The following LRRC47 variants were observed in gnomAD, a reference collection of about 807,000 sequenced individuals.
LRRC47 encodes the protein leucine-rich repeat-containing protein 47.
LRRC47 carries 31 observed loss-of-function variants against 40.9 expected under a neutral mutation model. The ratio of observed to expected loss-of-function variants is 0.76; its 90% CI spans 0.57 to 1.02. LRRC47 has a LOEUF of 1.02. Ranked by LOEUF, LRRC47 falls within the 50% of genes least tolerant of loss-of-function variation. The pLI, the probability that LRRC47 is intolerant of heterozygous loss-of-function variation, is 0.00. For synonymous variants in LRRC47, 427 were observed against 371.9 expected (o/e 1.15, Z -1.70); for missense variants, 726 against 796.1 (o/e 0.91, Z 1.06).
chr1:3,782,830 A>C (rs1014594293), intron 4 of LRRC47, 67 bp from the exon 5 acceptor site: 16 of 1,008,688 alleles, frequency 1.6e-5, no homozygotes, highest in Non-Finnish European at 2.5e-5. Flanking sequence ...GTGTGGTGGC[A>C]TGTGCCTGTG....
intron 2 of LRRC47, 127 bp downstream of exon 2, chr1:3,786,722 A>G: frequency 1.1e-6 from 1 of 898,298 alleles, no homozygotes; most frequent in Non-Finnish European, 1.6e-6. Flanking sequence ...ACTGAAGCAC[A>G]CAGACACCCG....
chr1:3,786,144 A>G (rs1251129073), intron 2 of LRRC47, among the ~76,000 whole-genome samples: 1 of 151,872 alleles, frequency 6.6e-6, no homozygotes, highest in Non-Finnish European at 1.5e-5. Flanking sequence ...TGCTGGGATT[A>G]CAGGCGTGAG....
rs1035080284 is a variant in LRRC47, at chr1:3,784,064, C to A, written c.1242G>T (p.Arg414=). The A allele has an allele frequency of 6.2e-7, 1 of 1,613,402 alleles. No homozygotes were observed. The highest frequency in any genetic ancestry group is 1.3e-5 in the African/African-American group (1 of 75,050). ...GCTCCTCGGCCTCCAGCTGCAGCTG[C>A]CGCACCAGCTCCTTGGCCTTGGCTT... ...RKEAKAKELV[R]QLQLEAEEQR... is the part of the protein sequence containing the mutation. Residue 414 remains arginine, a synonymous_variant, in exon 4 of 7, where the codon CGG becomes CGT. Transcript: ENST00000378251.
intron 1 of LRRC47, among the ~76,000 whole-genome samples, chr1:3,791,954 A>G (rs1214424474): frequency 6.6e-6 from 1 of 151,456 alleles, no homozygotes; most frequent in Non-Finnish European, 1.5e-5. Flanking sequence ...GGTTTTCACC[A>G]TGTTGCCCAG....
chr1:3,786,037 T>C (rs1643569302), intron 2 of LRRC47, among the ~76,000 whole-genome samples: 1 of 152,000 alleles, frequency 6.6e-6, no homozygotes, highest in African/African-American at 2.4e-5. Context: ...GCCTGGCTAA[T>C]TTTTGTGTTT....
chr1:3,792,759 T>C (rs1273446717), intron 1 of LRRC47, among the ~76,000 whole-genome samples: 1 of 152,224 alleles, frequency 6.6e-6, no homozygotes, highest in Non-Finnish European at 1.5e-5. Flanking sequence ...CCCACAACAC[T>C]TTTAAGAACT....
At chr1:3,788,674 C>A (rs780851029) in intron 1 of LRRC47, among the ~76,000 whole-genome samples, 13 of 152,128 alleles carry the variant, frequency 8.5e-5, no homozygotes, top group African/African-American at 2.2e-4. Context: ...CGGGTAAGGG[C>A]AGCATGGCTC....
At position 3,780,985 on chromosome 1, in the gene LRRC47, AC is replaced by A; in HGVS notation, c.*102del. 1 of 1,516,064 alleles carries A rather than the reference AC, an allele frequency of 6.6e-7. No homozygotes were observed. The highest frequency in any genetic ancestry group is 8.8e-7 in the Non-Finnish European group (1 of 1,130,858). 93.9% of individuals were successfully genotyped at this position (1,516,064 alleles called of 1,614,324 possible). On this transcript the variant is annotated 3_prime_UTR_variant, in exon 7 of 7. Transcript: ENST00000378251. Reference sequence around the variant, plus strand: ...GCGAGACTCCATCTCAAAAAAAAAAACCAACAAAAAAACTGGGGTGAAAATC... The same window carrying A: ...GCGAGACTCCATCTCAAAAAAAAAAACAACAAAAAAACTGGGGTGAAAATC...
rs1643580100 is a variant in LRRC47, at chr1:3,786,897, G to A, written c.1029C>T (p.Gly343=). The A allele has an allele frequency of 6.2e-7, 1 of 1,605,908 alleles. No homozygotes were observed. Among genetic ancestry groups the A allele is most frequent in the Non-Finnish European group, 8.5e-7 (1 of 1,176,530 alleles). The change falls in exon 2 of 7, where the codon GGC becomes GGT. Residue 343 remains glycine (G), a synonymous_variant. Coordinates refer to ENST00000378251, the MANE Select transcript of LRRC47 (RefSeq NM_020710.3). ...RPYIVGAVVR[G]MDLQPGNALK... ...GTGCATTCCCTGGCTGCAGGTCCAT[G>A]CCTCGCACCACGGCCCCCACAATGT... is the stretch of plus-strand genomic sequence containing the variant.
At chr1:3,781,660 G>C (rs17411384) in intron 5 of LRRC47, 59 bp from the exon 6 acceptor site, 119,782 of 1,339,744 alleles carry the variant, frequency 0.089, 6,011 homozygotes, top group African/African-American at 0.14. Context: ...ATCAGCAACT[G>C]CAACATTTGT....
rs117033631 is a variant in LRRC47 at position 3,796,463 on chromosome 1, G to C, written c.14C>G (p.Ala5Gly). The C allele has an allele frequency of 1.3e-5, 19 of 1,508,778 alleles. No homozygotes were observed. The highest frequency in any genetic ancestry group is 1.6e-5 in the Non-Finnish European group (18 of 1,137,322). The allele number at this position is 1,508,778 out of a possible 1,614,324, so 93.5% of individuals were successfully genotyped here. The change falls in exon 1 of 7, where the codon GCG becomes GGG. Residue 5 changes from alanine to glycine, a missense_variant. Physicochemically the swap from Ala to Gly is moderately conservative, Grantham distance 60. Coordinates refer to ENST00000378251, the MANE Select transcript of LRRC47 (RefSeq NM_020710.3). ...CAGCTCCGGCCAAGACTCTGACACC[G>C]CTGCCGCCGCCATGGCGCCTCAGCT... MAAA[A>G]VSESWPELEL...
In LRRC47 at chr1:3,795,941, G is replaced by A; in HGVS notation, c.536C>T (p.Pro179Leu). The change falls in exon 1 of 7, where the codon CCC becomes CTC. Residue 179 changes from proline to leucine, a missense_variant. Pro to Leu is a moderately conservative substitution (Grantham distance 98). Coordinates refer to ENST00000378251, the MANE Select transcript of LRRC47 (RefSeq NM_020710.3). ...AGCAGCCGCCAGTTCACTGAGCAGG[G>A]GCAGCGCGCCGGGGCGAAAGAGCTC... is the stretch of plus-strand genomic sequence containing the variant. The part of the protein sequence containing the change: ...PAELFRPGAL[P>L]LLSELAAADN... 3 of 1,601,042 alleles carry A rather than the reference G, an allele frequency of 1.9e-6. No individual in the cohort carries two copies. The highest frequency in any genetic ancestry group is 2.5e-6 in the Non-Finnish European group (3 of 1,176,734).
At position 3,795,970 on chromosome 1, in the gene LRRC47, G is replaced by T; in HGVS notation, c.507C>A (p.Pro169=). 6.3e-7 allele frequency: 1 copy of T among 1,585,516 alleles called. No individual in the cohort carries two copies. The highest frequency in any genetic ancestry group is 8.6e-7 in the Non-Finnish European group (1 of 1,168,052). Residue 169 remains proline (P), a synonymous_variant, in exon 1 of 7, where the codon CCC becomes CCA. Transcript: ENST00000378251. The stretch of plus-strand genomic sequence containing the variant: ...GCGCGCCGGGGCGAAAGAGCTCGGC[G>T]GGAAAGGAGTCTAGGCAATTGCCGG... The part of the protein sequence containing the change: ...NLTGNCLDSF[P]AELFRPGALP...
chr1:3,794,804 T>TTTGGA (rs1446799067), intron 1 of LRRC47, among the ~76,000 whole-genome samples: 4 of 151,818 alleles, frequency 2.6e-5, no homozygotes, highest in African/African-American at 4.8e-5. Context: ...CCTGTAATCC[T>TTTGGA]AGCACTTTGG....
intron 1 of LRRC47, among the ~76,000 whole-genome samples, chr1:3,789,123 C>A (rs1643604015): frequency 6.6e-6 from 1 of 152,252 alleles, no homozygotes; most frequent in South Asian, 2.1e-4. Context: ...CACAAAGTAC[C>A]AGGAGCCGTA....
rs1326129836 is a variant in LRRC47 at position 3,796,227 on chromosome 1, G to A, written c.250C>T (p.Arg84Cys). 13 of 1,426,930 alleles carry A rather than the reference G, an allele frequency of 9.1e-6. No homozygotes were observed. The highest frequency in any genetic ancestry group is 3.1e-5 in the Admixed American group (1 of 32,420). 88.4% of individuals were successfully genotyped at this position (1,426,930 alleles called of 1,614,324 possible). ...CTCAGGCCGGGCCCCAGCGCGTTGC[G>A]CCGCAGCACGAGGCTGTGCAGCTGC... ...LPQLHSLVLR[R>C]NALGPGLSPE... Residue 84 changes from arginine (R) to cysteine (C), a missense_variant, in exon 1 of 7, where the codon CGC becomes TGC. Coordinates refer to ENST00000378251, the MANE Select transcript of LRRC47 (RefSeq NM_020710.3).
At chr1:3,790,705 A>G (rs779835178) in intron 1 of LRRC47, among the ~76,000 whole-genome samples, 1 of 152,236 alleles carries the variant, frequency 6.6e-6, no homozygotes, top group Non-Finnish European at 1.5e-5. Flanking sequence ...TGCTGAGGCC[A>G]TAGGACAGCA....
intron 5 of LRRC47, 86 bp from the exon 6 acceptor site, chr1:3,781,687 CA>C: frequency 2.6e-6 from 3 of 1,139,536 alleles, no homozygotes; most frequent in Middle Eastern, 2.4e-4. Flanking sequence ...GAAAAATCTA[CA>C]AAACTGTGTG....
chr1:3,786,715 G>T, intron 2 of LRRC47, 134 bp downstream of exon 2: 1 of 840,904 alleles, frequency 1.2e-6, no homozygotes. Context: ...TGAGGAAACT[G>T]AAGCACACAG....
Sources: gnomAD v4.1 joint callset for allele counts (sites outside exome capture counted in the v4.1 genomes callset) on GRCh38, gnomAD v4.1.1 for gene constraint, MANE v1.5 for transcripts, NCBI Gene and HGNC (gene_info 2026-07-23, HGNC 2026-07-21) for gene names.